The following GOLPH3 variants were observed in gnomAD, a reference collection of about 807,000 sequenced individuals.
GOLPH3 encodes the protein golgi phosphoprotein 3, also known as coat protein GPP34.
In GOLPH3, 14 loss-of-function variants were observed where a neutral mutation model predicts 28.5. That is an observed-to-expected ratio of 0.49 (90% CI 0.32 to 0.77). GOLPH3 has a LOEUF of 0.77. GOLPH3 is among the 30% of genes least tolerant of loss of function. GOLPH3 has a pLI of 0.03. For missense variants in GOLPH3, 350 were observed against 393.7 expected (o/e 0.89, Z 0.94); for synonymous variants, 158 against 159.2 (o/e 0.99, Z 0.06).
intron 1 of GOLPH3, among the ~76,000 whole-genome samples, chr5:32,169,678 T>TA (rs995300410): frequency 6.6e-6 from 1 of 152,198 alleles, no homozygotes; most frequent in Admixed American, 6.6e-5. Context: ...ATCTATAGAA[T>TA]AAACACACAC....
chr5:32,173,121 CCT>C (rs1301572072), intron 1 of GOLPH3, among the ~76,000 whole-genome samples: 2 of 152,050 alleles, frequency 1.3e-5, no homozygotes, highest in Admixed American at 6.6e-5. Flanking sequence ...ATGAAAAAGC[CCT>C]TTCTTAAGAC....
intron 3 of GOLPH3, among the ~76,000 whole-genome samples, chr5:32,135,016 TG>T (rs1745903302): frequency 6.6e-6 from 1 of 152,256 alleles, no homozygotes; most frequent in Non-Finnish European, 1.5e-5. Flanking sequence ...TGCACTTCCC[TG>T]TCTCCTTGAA....
intron 1 of GOLPH3, among the ~76,000 whole-genome samples, chr5:32,145,017 G>C (rs1026925712): frequency 6.6e-6 from 1 of 151,158 alleles, no homozygotes; most frequent in African/African-American, 2.4e-5. Context: ...AATCTCTAAA[G>C]AATGGAGGGC....
chr5:32,138,484 C>T (rs1170671108), intron 2 of GOLPH3, among the ~76,000 whole-genome samples: 1 of 151,990 alleles, frequency 6.6e-6, no homozygotes, highest in Admixed American at 6.6e-5. Context: ...GTGCTGCACC[C>T]ATTAACTCGT....
In GOLPH3 at chr5:32,173,959, C is replaced by G; in HGVS notation, c.76G>C (p.Glu26Gln). ...TEASRNAADKERAAGGGAGSS... is the reference protein window; with the variant it reads ...TEASRNAADKQRAAGGGAGSS... ...CCGGCGCCGCCGCCCGCCGCCCGCTCCTTGTCGGCGGCGTTGCGGGAGGCC... is the reference window on the plus strand; with the variant it reads ...CCGGCGCCGCCGCCCGCCGCCCGCTGCTTGTCGGCGGCGTTGCGGGAGGCC... The change falls in exon 1 of 4, where the codon GAG becomes CAG. Residue 26 changes from glutamate to glutamine, a missense_variant. Coordinates refer to ENST00000265070, the MANE Select transcript of GOLPH3 (RefSeq NM_022130.4). 1 of 1,435,584 alleles carries G rather than the reference C, an allele frequency of 7.0e-7. No individual in the cohort carries two copies. The highest frequency in any genetic ancestry group is 3.0e-5 in the East Asian group (1 of 33,776). The allele number at this position is 1,435,584 out of a possible 1,614,324, so 88.9% of individuals were successfully genotyped here. A position where few individuals can be genotyped will look rare whatever the true frequency, so the allele number is the denominator to read the frequency against.
At chr5:32,166,230 A>G (rs1746705653) in intron 1 of GOLPH3, among the ~76,000 whole-genome samples, 1 of 152,228 alleles carries the variant, frequency 6.6e-6, no homozygotes, top group African/African-American at 2.4e-5. Flanking sequence ...GTTATTCTTA[A>G]AAGTGACCAG....
intron 1 of GOLPH3, among the ~76,000 whole-genome samples, chr5:32,154,438 A>G (rs1746373957): frequency 6.6e-6 from 1 of 152,220 alleles, no homozygotes; most frequent in African/African-American, 2.4e-5. Context: ...CAGTATTCTG[A>G]GATATCTGCA....
intron 1 of GOLPH3, among the ~76,000 whole-genome samples, chr5:32,145,430 G>C (rs1421531135): frequency 6.6e-6 from 1 of 152,176 alleles, no homozygotes; most frequent in Non-Finnish European, 1.5e-5. Flanking sequence ...TAAAATGCGT[G>C]GCTTCTGTGT....
chr5:32,147,366 G>A (rs1410355565), intron 1 of GOLPH3, among the ~76,000 whole-genome samples: 1 of 151,958 alleles, frequency 6.6e-6, no homozygotes, highest in Non-Finnish European at 1.5e-5. Flanking sequence ...TGCAGGAGGC[G>A]GAGGCTGCAG....
At chr5:32,156,295 T>C (rs1404682440) in intron 1 of GOLPH3, among the ~76,000 whole-genome samples, 1 of 152,076 alleles carries the variant, frequency 6.6e-6, no homozygotes, top group Non-Finnish European at 1.5e-5. Context: ...GTCAGGAGTT[T>C]GAGACTAGCC....
At position 32,161,799 on chromosome 5, in the gene GOLPH3, G is replaced by C. The variant is rs999640760; in HGVS notation, c.225+12011C>G. ...TCCCAGCACTTTGGGAGGCAGAGGC[G>C]GGCGGACCACGAGGTCAGGAGATCA... On this transcript the variant is annotated intron_variant, in intron 1 of 3. Coordinates refer to ENST00000265070, the MANE Select transcript of GOLPH3 (RefSeq NM_022130.4). Among the ~76,000 whole-genome samples the C allele has an allele frequency of 4.6e-5, 7 of 150,938 alleles. 1 individual carries two copies. Among genetic ancestry groups the C allele is most frequent in the African/African-American group, 1.5e-4 (6 of 40,386 alleles).
chr5:32,162,700 G>C (rs1746613054), intron 1 of GOLPH3, among the ~76,000 whole-genome samples: 1 of 152,164 alleles, frequency 6.6e-6, no homozygotes, highest in African/African-American at 2.4e-5. Flanking sequence ...ATTTGCATTT[G>C]TTCAGCACCA....
At chr5:32,144,834 T>G (rs1345801388) in intron 1 of GOLPH3, among the ~76,000 whole-genome samples, 1 of 152,138 alleles carries the variant, frequency 6.6e-6, no homozygotes, top group African/African-American at 2.4e-5. Flanking sequence ...TCAGGACACT[T>G]TAACAGCAAA....
chr5:32,142,307 A>G (rs1295112702), intron 2 of GOLPH3, among the ~76,000 whole-genome samples: 2 of 137,002 alleles, frequency 1.5e-5, no homozygotes, highest in South Asian at 5.1e-4. Flanking sequence ...CGTCTGAGAA[A>G]TGAGGAGACC....
Position 32,166,063 on chromosome 5 carries a change from CCT to C in GOLPH3, c.225+7745_225+7746del, listed in dbSNP as rs374076286. Among the ~76,000 whole-genome samples the C allele has an allele frequency of 3.5e-3, 531 of 152,286 alleles. 1 individual carries two copies. The highest frequency in any genetic ancestry group is 0.012 in the African/African-American group (511 of 41,550). On this transcript the variant is annotated intron_variant, in intron 1 of 3. Transcript: ENST00000265070. ...TTTGAGTATCTAATGAAAGTTCTGT[CCT>C]CTTTCCCCAAGAAAACACACAACTG...
chr5:32,166,456 C>T (rs1055092148), intron 1 of GOLPH3, among the ~76,000 whole-genome samples: 1 of 152,062 alleles, frequency 6.6e-6, no homozygotes, highest in African/African-American at 2.4e-5. Context: ...AACCTGAAGC[C>T]AAAAACATCA....
Position 32,126,189 on chromosome 5 carries a change from A to C in GOLPH3, c.*23T>G. ...ACTACTGGTTTACTTGAGAGAAAGG[A>C]GAATGGTTCACCCCGAGCAGAGTTA... On this transcript the variant is annotated 3_prime_UTR_variant, in exon 4 of 4. Transcript: ENST00000265070. 1 of 1,585,122 alleles carries C rather than the reference A, an allele frequency of 6.3e-7. No homozygotes were observed. The highest frequency in any genetic ancestry group is 8.6e-7 in the Non-Finnish European group (1 of 1,162,950).
intron 1 of GOLPH3, among the ~76,000 whole-genome samples, chr5:32,149,366 A>G (rs1322182733): frequency 6.6e-6 from 1 of 152,222 alleles, no homozygotes; most frequent in Non-Finnish European, 1.5e-5. Flanking sequence ...AAATGGGAAA[A>G]GGGAGAGGTA....
At chr5:32,153,726 C>G (rs1746359297) in intron 1 of GOLPH3, among the ~76,000 whole-genome samples, 1 of 152,126 alleles carries the variant, frequency 6.6e-6, no homozygotes. Context: ...TAAACTTGAA[C>G]CAAAAACCAC....
Sources: gnomAD v4.1 joint callset for allele counts (sites outside exome capture counted in the v4.1 genomes callset) on GRCh38, gnomAD v4.1.1 for gene constraint, MANE v1.5 for transcripts, NCBI Gene and HGNC (gene_info 2026-07-23, HGNC 2026-07-21) for gene names.